C2orf42: variants seen among roughly 807,000 people sequenced by gnomAD.
C2orf42 encodes uncharacterized protein C2orf42.
In C2orf42, 44 loss-of-function variants were observed where a neutral mutation model predicts 58.9. The observed-to-expected ratio is 0.75, with a 90% CI of 0.59 to 0.96. The LOEUF is 0.96. C2orf42 is among the 40% of genes least tolerant of loss of function. The pLI is 0.00. For synonymous variants in C2orf42, 239 were observed against 265.4 expected (o/e 0.90, Z 0.97); for missense variants, 630 against 699.2 (o/e 0.90, Z 1.12).
chr2:70,173,267 CTTTTTTTTTTTTT>C (rs202063318), intron 5 of C2orf42, among the ~76,000 whole-genome samples: 8 of 95,736 alleles, frequency 8.4e-5, no homozygotes, highest in Admixed American at 1.2e-4. Flanking sequence ...TGCGTAAGTT[CTTTTTTTTTTTTT>C]TTTTTTTTTT....
chr2:70,163,098 C>T (rs1344517805), intron 8 of C2orf42, among the ~76,000 whole-genome samples: 2 of 151,864 alleles, frequency 1.3e-5, no homozygotes, highest in Non-Finnish European at 2.9e-5. Flanking sequence ...AAACTCCTGA[C>T]CTCAGGTGAT....
chr2:70,166,976 GA>G (rs1673447213), intron 6 of C2orf42, among the ~76,000 whole-genome samples: 1 of 152,160 alleles, frequency 6.6e-6, no homozygotes, highest in African/African-American at 2.4e-5. Flanking sequence ...TACAAGTTAG[GA>G]CACTGCTTAC....
chr2:70,189,488 C>A (rs1208287335), intron 1 of C2orf42, among the ~76,000 whole-genome samples: 4 of 146,776 alleles, frequency 2.7e-5, no homozygotes, highest in Middle Eastern at 3.7e-3. Flanking sequence ...GAGGCCGAGG[C>A]GGGCAGATCA....
intron 8 of C2orf42, among the ~76,000 whole-genome samples, chr2:70,162,337 T>C (rs77816677): frequency 6.0e-5 from 6 of 100,116 alleles, no homozygotes; most frequent in East Asian, 2.9e-4. Context: ...TTCTTTCTTT[T>C]TATTTTTTTA....
chr2:70,176,556 ATACTT>A (rs1423879166), intron 4 of C2orf42, among the ~76,000 whole-genome samples: 1 of 152,096 alleles, frequency 6.6e-6, no homozygotes, highest in Non-Finnish European at 1.5e-5. Flanking sequence ...TGAGTATTCT[ATACTT>A]TATCTGGCTA....
At chr2:70,189,905 C>T (rs1333819708) in intron 1 of C2orf42, among the ~76,000 whole-genome samples, 2 of 150,280 alleles carry the variant, frequency 1.3e-5, no homozygotes, top group Admixed American at 1.3e-4. Context: ...AAGTGCAGCA[C>T]TTTGTAATAT....
chr2:70,162,767 C>A, intron 8 of C2orf42, among the ~76,000 whole-genome samples: 1 of 151,936 alleles, frequency 6.6e-6, no homozygotes, highest in Non-Finnish European at 1.5e-5. Context: ...GCCTGGCTCA[C>A]ATGTAAATTC....
At chr2:70,180,846 A>T (rs984102848) in intron 3 of C2orf42, among the ~76,000 whole-genome samples, 20 of 150,948 alleles carry the variant, frequency 1.3e-4, no homozygotes, top group Non-Finnish European at 2.7e-4. Context: ...GCAAAAAATT[A>T]AAAAAATTAG....
In C2orf42 at chr2:70,186,823, AATC is replaced by A. The variant is rs1390173933; in HGVS notation, c.-281-3891_-281-3889del. ...TTGTAGGGACATGGATGAAACTGGA[AATC>A]ATCATTCTCAGTAAACTATCGCAAG... On this transcript the variant is annotated intron_variant, in intron 1 of 9. Transcript: ENST00000264434. Among the ~76,000 whole-genome samples, 4 of 152,240 alleles carry A rather than the reference AATC, an allele frequency of 2.6e-5. No homozygotes were observed. The East Asian group carries it at 5.8e-4, about 22-fold the overall frequency.
chr2:70,154,447 C>G (rs940186853), intron 9 of C2orf42, among the ~76,000 whole-genome samples: 1 of 107,232 alleles, frequency 9.3e-6, no homozygotes, highest in Non-Finnish European at 1.9e-5. Context: ...AAAAAAAAAT[C>G]TGACATGGTT....
intron 9 of C2orf42, among the ~76,000 whole-genome samples, chr2:70,154,763 T>C (rs1440300056): frequency 6.6e-6 from 1 of 152,074 alleles, no homozygotes; most frequent in Non-Finnish European, 1.5e-5. Flanking sequence ...TTGTTTTGTT[T>C]TGTTTTGTTT....
intron 1 of C2orf42, among the ~76,000 whole-genome samples, chr2:70,184,172 A>C (rs1674769031): frequency 6.6e-6 from 1 of 151,350 alleles, no homozygotes; most frequent in African/African-American, 2.4e-5. Context: ...TGGACATTTT[A>C]AAACTATTCT....
At chr2:70,153,122 G>A (rs1471166815) in intron 9 of C2orf42, among the ~76,000 whole-genome samples, 2 of 152,080 alleles carry the variant, frequency 1.3e-5, no homozygotes, top group African/African-American at 4.8e-5. Flanking sequence ...TGAGAAGGAG[G>A]AGAAACCCTT....
intron 2 of C2orf42, 138 bp from the exon 3 acceptor site, chr2:70,182,135 T>G (rs1051788330): frequency 3.4e-6 from 2 of 584,142 alleles, no homozygotes; most frequent in Non-Finnish European, 6.0e-6. Flanking sequence ...AGTCTCGCTC[T>G]GTCGCCCAGG....
intron 9 of C2orf42, among the ~76,000 whole-genome samples, chr2:70,154,395 C>T (rs1359726986): frequency 9.0e-6 from 1 of 111,184 alleles, no homozygotes; most frequent in Non-Finnish European, 1.7e-5. Context: ...AGACCCCCAT[C>T]TCTGTAAGAA....
At chr2:70,189,747 C>T (rs530925039) in intron 1 of C2orf42, among the ~76,000 whole-genome samples, 31 of 148,804 alleles carry the variant, frequency 2.1e-4, no homozygotes, top group African/African-American at 7.0e-4. Flanking sequence ...GCCTGAGTAG[C>T]TGGACGTGGT....
At chr2:70,182,062 A>G (rs1388394399) in intron 2 of C2orf42, 65 bp from the exon 3 acceptor site, 4 of 753,610 alleles carry the variant, frequency 5.3e-6, no homozygotes, top group South Asian at 3.6e-5. Context: ...AAAATCACTT[A>G]TGATATTTAG....
chr2:70,187,500 GC>G (rs1253758525), intron 1 of C2orf42, among the ~76,000 whole-genome samples: 2 of 151,872 alleles, frequency 1.3e-5, no homozygotes, highest in Non-Finnish European at 2.9e-5. Flanking sequence ...TGATCTGCCT[GC>G]CTCGGCCTCT....
At chr2:70,160,431 C>T (rs572666453) in intron 9 of C2orf42, among the ~76,000 whole-genome samples, 194 bp downstream of exon 9, 2 of 152,314 alleles carry the variant, frequency 1.3e-5, no homozygotes, top group African/African-American at 4.8e-5. Context: ...GTGTGAGCCA[C>T]AGCACCTGGC....
Sources: gnomAD v4.1 joint callset for allele counts (sites outside exome capture counted in the v4.1 genomes callset) on GRCh38, gnomAD v4.1.1 for gene constraint, MANE v1.5 for transcripts, NCBI Gene and HGNC (gene_info 2026-07-23, HGNC 2026-07-21) for gene names.